The following PCDH15 variants were observed in gnomAD, a reference collection of about 807,000 sequenced individuals.
PCDH15 encodes the protein protocadherin-15.
A neutral mutation model predicts 178.5 loss-of-function variants in PCDH15; 129 were observed. The observed-to-expected ratio is 0.72, with a 90% CI of 0.63 to 0.84. The LOEUF (loss-of-function observed/expected upper bound fraction) is 0.84, where lower values mean the gene tolerates loss of function less well. Ranked by LOEUF, PCDH15 falls within the 40% of genes least tolerant of loss-of-function variation. The probability of loss-of-function intolerance (pLI) is 0.00; values close to 1 mark genes in which losing one functional copy is unlikely to be tolerated. For synonymous variants in PCDH15, 800 were observed against 732.0 expected, an observed-to-expected ratio of 1.09 and a Z score of -1.50; for missense variants, 2,230 against 2,099.9, an observed-to-expected ratio of 1.06 and a Z score of -1.21.
intron 2 of PCDH15, among the ~76,000 whole-genome samples, chr10:55,608,606 C>G (rs767071737): frequency 6.6e-6 from 1 of 151,868 alleles, no homozygotes; most frequent in African/African-American, 2.4e-5. Context: ...CTGCCGCTCA[C>G]CACACAGGAA....
At chr10:55,437,408 C>G (rs1286612414) in intron 2 of PCDH15, among the ~76,000 whole-genome samples, 1 of 152,032 alleles carries the variant, frequency 6.6e-6, no homozygotes, top group Non-Finnish European at 1.5e-5. Flanking sequence ...TCTGGAGGTT[C>G]AGAAGAATAG....
intron 2 of PCDH15, among the ~76,000 whole-genome samples, chr10:54,935,154 A>G (rs1001432964): frequency 6.6e-6 from 1 of 151,982 alleles, no homozygotes; most frequent in Non-Finnish European, 1.5e-5. Context: ...TGGGTGCAGC[A>G]CACCAACATG....
At chr10:55,585,979 A>C (rs558386796) in intron 2 of PCDH15, among the ~76,000 whole-genome samples, 169 of 151,874 alleles carry the variant, frequency 1.1e-3, no homozygotes, top group Non-Finnish European at 1.9e-3. Context: ...AATGTAAAAG[A>C]CTCTATCCAG....
chr10:55,477,863 T>TA (rs1485537293), intron 2 of PCDH15, among the ~76,000 whole-genome samples: 1 of 151,854 alleles, frequency 6.6e-6, no homozygotes, highest in African/African-American at 2.4e-5. Context: ...TACTATGTAC[T>TA]AAGGCACTAA....
rs576471372 is a variant in PCDH15, at chr10:53,805,938, C to G, written c.*641G>C. 6.6e-6 allele frequency: 1 copy of G among 151,932 alleles called. No homozygotes were observed. Among genetic ancestry groups the G allele is most frequent in the African/African-American group, 2.4e-5 (1 of 41,366 alleles). The allele number at this position is 151,932 out of a possible 1,614,324, so 9.4% of individuals were successfully genotyped here. On this transcript the variant is annotated 3_prime_UTR_variant, in exon 38 of 38. Transcript: ENST00000644397. ...TAAATAATATTGATAAAAAGACATA[C>G]GACTTCAAGTGGTTTCCTAAAGGGT...
At chr10:54,099,768 C>T (rs1480280754) in intron 15 of PCDH15, among the ~76,000 whole-genome samples, 1 of 151,774 alleles carries the variant, frequency 6.6e-6, no homozygotes, top group Non-Finnish European at 1.5e-5. Flanking sequence ...TTCAATATAG[C>T]CCCTACCTTG....
intron 15 of PCDH15, among the ~76,000 whole-genome samples, chr10:54,113,847 A>C (rs573694818): frequency 6.6e-6 from 1 of 152,260 alleles, no homozygotes; most frequent in South Asian, 2.1e-4. Flanking sequence ...TATAAAGAAA[A>C]AAAGGCCTCC....
intron 2 of PCDH15, among the ~76,000 whole-genome samples, chr10:55,483,431 C>A (rs567054678): frequency 6.6e-6 from 1 of 151,648 alleles, no homozygotes; most frequent in Non-Finnish European, 1.5e-5. Context: ...TGCCATCTAA[C>A]GCCAGTCAGA....
rs149124985 is a variant in PCDH15 at position 54,627,337 on chromosome 10, T to C, written c.91+36835A>G. ...CCCAAATCTCATCTTGAAGCTCCCA[T>C]AGTTCCCACGTGTTTTGGGAGGGAG... On this transcript the variant is annotated intron_variant, in intron 2 of 37. Coordinates refer to ENST00000644397, the MANE Select transcript of PCDH15 (RefSeq NM_001384140.1). 2.8e-4 allele frequency among the ~76,000 whole-genome samples: 42 copies of C among 152,252 alleles called. No individual in the cohort carries two copies. In the East Asian group the frequency reaches 7.8e-3, roughly 28 times the overall value.
intron 30 of PCDH15, among the ~76,000 whole-genome samples, chr10:53,830,347 G>A (rs187110219): frequency 4.6e-4 from 69 of 151,234 alleles, no homozygotes; most frequent in African/African-American, 1.6e-3. Context: ...AACTATTTTA[G>A]TATTTCCTCT....
chr10:54,693,077 C>T (rs953228970), intron 1 of PCDH15, among the ~76,000 whole-genome samples: 2 of 152,048 alleles, frequency 1.3e-5, no homozygotes, highest in African/African-American at 2.4e-5. Context: ...GTTCCCCTCT[C>T]TCTGTCTATG....
intron 3 of PCDH15, among the ~76,000 whole-genome samples, chr10:54,855,980 T>C (rs1406184881): frequency 6.6e-6 from 1 of 152,222 alleles, no homozygotes; most frequent in Non-Finnish European, 1.5e-5. Flanking sequence ...TGTTTTTTCA[T>C]AGGCAAATAA....
chr10:54,074,483 T>G (rs2094303683), intron 17 of PCDH15, among the ~76,000 whole-genome samples: 1 of 152,232 alleles, frequency 6.6e-6, no homozygotes, highest in Non-Finnish European at 1.5e-5. Flanking sequence ...CTTAGCATAA[T>G]GTTCTCAAGA....
chr10:55,152,734 G>C (rs1401690894), intron 2 of PCDH15, among the ~76,000 whole-genome samples: 1 of 152,046 alleles, frequency 6.6e-6, no homozygotes, highest in Non-Finnish European at 1.5e-5. Flanking sequence ...ATCTTAATTT[G>C]ATATTTAAAA....
intron 1 of PCDH15, among the ~76,000 whole-genome samples, chr10:54,744,380 A>G (rs1945199285): frequency 6.6e-6 from 1 of 152,186 alleles, no homozygotes; most frequent in African/African-American, 2.4e-5. Flanking sequence ...TGCTTTATCC[A>G]GTAAGATTTT....
chr10:55,536,189 A>G (rs1046627430), intron 2 of PCDH15, among the ~76,000 whole-genome samples: 1 of 152,118 alleles, frequency 6.6e-6, no homozygotes, highest in African/African-American at 2.4e-5. Context: ...AAGATTTAAA[A>G]CATCAAGATA....
At chr10:54,141,474 A>G (rs1464978113) in intron 14 of PCDH15, among the ~76,000 whole-genome samples, 1 of 152,210 alleles carries the variant, frequency 6.6e-6, no homozygotes, top group Non-Finnish European at 1.5e-5. Flanking sequence ...TTTATTTCCA[A>G]TGTAATTCAA....
intron 3 of PCDH15, among the ~76,000 whole-genome samples, chr10:54,380,792 C>T (rs1949139932): frequency 7.1e-6 from 1 of 141,830 alleles, no homozygotes; most frequent in African/African-American, 2.7e-5. Context: ...AGCCATTGAA[C>T]TATCTTTACA....
rs796129955 is a variant in PCDH15 at position 54,344,979 on chromosome 10, T to TATA, written c.594+1385_594+1386insTAT. Reference sequence around the variant, plus strand: ...TGCTAATAAAATGTATATATATATATTATATATATATACTTATTTTCCAAA... The same window carrying TATA: ...TGCTAATAAAATGTATATATATATATATATATATATATATACTTATTTTCCAAA... On this transcript the variant is annotated intron_variant, in intron 6 of 37. Coordinates refer to ENST00000644397, the MANE Select transcript of PCDH15 (RefSeq NM_001384140.1). Among the ~76,000 whole-genome samples the TATA allele has an allele frequency of 1.4e-4, 20 of 142,592 alleles. No homozygotes were observed. The East Asian group carries it at 2.2e-3, about 16-fold the overall frequency. The allele number at this position is 142,592 out of a possible 152,430, so 93.5% of individuals were successfully genotyped here.
Sources: gnomAD v4.1 joint callset for allele counts (sites outside exome capture counted in the v4.1 genomes callset) on GRCh38, gnomAD v4.1.1 for gene constraint, MANE v1.5 for transcripts, NCBI Gene and HGNC (gene_info 2026-07-23, HGNC 2026-07-21) for gene names.